Variants in VRK2 observed in about 807,000 individuals in gnomAD.
VRK2 encodes the protein serine/threonine-protein kinase VRK2.
Under a neutral mutation model 57.6 loss-of-function variants are expected in VRK2, and 60 were observed. The ratio of observed to expected loss-of-function variants is 1.04; its 90% confidence interval spans 0.85 to 1.29. The LOEUF is 1.29. Ranked by LOEUF, VRK2 falls within the 50% of genes most tolerant of loss-of-function variation. VRK2 has a pLI of 0.00. For synonymous variants in VRK2, 231 were observed against 199.2 expected (o/e 1.16, Z -1.35); for missense variants, 705 against 588.1 (o/e 1.20, Z -2.06).
chr2:58,121,317 C>T (rs963533040), intron 7 of VRK2, among the ~76,000 whole-genome samples: 2 of 152,180 alleles, frequency 1.3e-5, no homozygotes, highest in Non-Finnish European at 2.9e-5. Context: ...TATTAAAATA[C>T]AATTCCATTT....
chr2:58,133,311 G>A (rs931083571), intron 9 of VRK2, among the ~76,000 whole-genome samples: 1 of 151,588 alleles, frequency 6.6e-6, no homozygotes, highest in Non-Finnish European at 1.5e-5. Context: ...TACATTTTGG[G>A]GACTCTTACA....
chr2:58,026,731 T>A (rs895631866), intron 2 of VRK2: 1 of 152,154 alleles, frequency 6.6e-6, no homozygotes, highest in Non-Finnish European at 1.5e-5. Flanking sequence ...TCGTTTTTGT[T>A]TTTTTGAGAC....
intron 1 of VRK2, among the ~76,000 whole-genome samples, chr2:57,971,310 A>G (rs1050808675): frequency 6.6e-6 from 1 of 151,994 alleles, no homozygotes; most frequent in Non-Finnish European, 1.5e-5. Flanking sequence ...ACCATTGAGG[A>G]TTGTCATGGA....
chr2:58,044,043 T>C (rs1350768322), upstream of VRK2, among the ~76,000 whole-genome samples: 2 of 152,364 alleles, frequency 1.3e-5, no homozygotes, highest in East Asian at 3.9e-4. Flanking sequence ...GTTTGAGATT[T>C]AGATCTTGTA....
intron 2 of VRK2, among the ~76,000 whole-genome samples, chr2:58,055,366 G>T (rs1399031220): frequency 6.6e-6 from 1 of 152,178 alleles, no homozygotes; most frequent in African/African-American, 2.4e-5. Flanking sequence ...AGAGCTTTTT[G>T]TGCTTAAGGT....
intron 2 of VRK2, among the ~76,000 whole-genome samples, chr2:58,049,906 T>A (rs772561184): frequency 5.9e-5 from 9 of 151,992 alleles, no homozygotes; most frequent in Non-Finnish European, 1.2e-4. Flanking sequence ...ATGAATGAAG[T>A]TTGGTCAATA....
At chr2:58,080,408 C>G (rs1670692327) in intron 2 of VRK2, among the ~76,000 whole-genome samples, 4 of 151,862 alleles carry the variant, frequency 2.6e-5, no homozygotes, top group Admixed American at 2.6e-4. Context: ...TGCATTGTTT[C>G]AATGTATTTA....
chr2:57,948,599 G>T (rs557292269), intron 1 of VRK2, among the ~76,000 whole-genome samples: 1 of 151,912 alleles, frequency 6.6e-6, no homozygotes, highest in South Asian at 2.1e-4. Flanking sequence ...TGGGTTTTAA[G>T]TGCTGGTAAA....
chr2:58,080,134 A>C (rs1335638926), intron 2 of VRK2, among the ~76,000 whole-genome samples: 1 of 152,030 alleles, frequency 6.6e-6, no homozygotes, highest in African/African-American at 2.4e-5. Flanking sequence ...GAGGAAGACA[A>C]GTAATAAAAA....
intron 1 of VRK2, among the ~76,000 whole-genome samples, chr2:57,938,613 C>T (rs1485760461): frequency 1.3e-5 from 2 of 152,072 alleles, no homozygotes; most frequent in East Asian, 3.9e-4. Flanking sequence ...CTTTTTACTA[C>T]TAACTTTCAT....
intron 7 of VRK2, among the ~76,000 whole-genome samples, chr2:58,103,350 G>A (rs1674289140): frequency 6.6e-6 from 1 of 151,104 alleles, no homozygotes; most frequent in South Asian, 2.1e-4. Flanking sequence ...ATAAACTACT[G>A]GCTACACTAA....
At chr2:58,106,206 G>A (rs1175248516) in intron 7 of VRK2, among the ~76,000 whole-genome samples, 2 of 151,856 alleles carry the variant, frequency 1.3e-5, no homozygotes, top group African/African-American at 2.4e-5. Flanking sequence ...TGTGTCAAAA[G>A]GACAAGTTGG....
At chr2:58,059,263 A>G (rs1170496909) in intron 2 of VRK2, among the ~76,000 whole-genome samples, 2 of 152,154 alleles carry the variant, frequency 1.3e-5, no homozygotes, top group East Asian at 3.9e-4. Context: ...ATGCAATCTG[A>G]TGAGAAAGAT....
At chr2:57,935,802 A>AG (rs1400519567) in intron 1 of VRK2, among the ~76,000 whole-genome samples, 5 of 152,200 alleles carry the variant, frequency 3.3e-5, no homozygotes, top group Admixed American at 3.3e-4. Flanking sequence ...CTGTCATTAG[A>AG]GAAACTGCAG....
chr2:58,116,758 C>T (rs1676565957), intron 7 of VRK2, among the ~76,000 whole-genome samples: 1 of 152,152 alleles, frequency 6.6e-6, no homozygotes, highest in South Asian at 2.1e-4. Context: ...GAGTGGCTGC[C>T]AGGTGAGTTG....
At chr2:57,925,546 T>C (rs971952328) in intron 1 of VRK2, among the ~76,000 whole-genome samples, 14 of 151,944 alleles carry the variant, frequency 9.2e-5, no homozygotes, top group African/African-American at 3.1e-4. Flanking sequence ...GTTGAAATTT[T>C]TTCTTTTTCA....
At position 58,126,653 on chromosome 2, in the gene VRK2, C is replaced by G. The variant is rs1157529316; in HGVS notation, c.676+3420C>G. The stretch of plus-strand genomic sequence containing the variant: ...TGTTTATTCTTCCAAACTCAATTCT[C>G]TTGTGTGACCTACAGGTATTTTGTA... On this transcript the variant is annotated intron_variant, in intron 8 of 12. Coordinates refer to ENST00000340157, the MANE Select transcript of VRK2 (RefSeq NM_006296.7). Among the ~76,000 whole-genome samples, 3 of 152,096 alleles carry G rather than the reference C, an allele frequency of 2.0e-5. No individual in the cohort carries two copies. In the South Asian group the frequency reaches 6.2e-4, roughly 32 times the overall value.
chr2:57,922,487 T>TGTGTGA (rs1260003001), intron 1 of VRK2, among the ~76,000 whole-genome samples: 1 of 148,946 alleles, frequency 6.7e-6, no homozygotes, highest in Admixed American at 6.7e-5. Flanking sequence ...TGTGTGTGTG[T>TGTGTGA]GATGAGAATA....
intron 1 of VRK2, among the ~76,000 whole-genome samples, chr2:58,022,082 T>A (rs753591258): frequency 1.3e-5 from 2 of 152,206 alleles, no homozygotes; most frequent in African/African-American, 2.4e-5. Context: ...CCATATGGAC[T>A]TGGGTTTGGG....
Sources: allele counts gnomAD v4.1 joint callset (sites outside exome capture counted in the v4.1 genomes callset), GRCh38; gene constraint gnomAD v4.1.1; transcripts MANE v1.5; gene names NCBI Gene and HGNC (gene_info 2026-07-23, HGNC 2026-07-21).